The following SLC67A1 variants were observed in gnomAD, a reference collection of about 807,000 sequenced individuals.
SLC67A1 encodes the protein solute carrier family 67 member 1.
chr11:2,902,407 A>G, the SLC67A1 span: 1 of 175,584 alleles, frequency 5.7e-6, no homozygotes, highest in Non-Finnish European at 1.1e-5. Context: ...TGAGCCCCGA[A>G]CCCCGAACTC....
At chr11:2,915,051 G>A in the SLC67A1 span, 81,984 of 985,302 alleles carry the variant, frequency 0.083, 3,569 homozygotes, top group Middle Eastern at 0.1. Flanking sequence ...TGCAGGAGTC[G>A]GAGCTGCCCT....
At chr11:2,907,142 G>T in the SLC67A1 span, among the ~76,000 whole-genome samples, 11 of 151,562 alleles carry the variant, frequency 7.3e-5, no homozygotes, top group Non-Finnish European at 1.5e-4. The surrounding 1 kb of genome is among the most constrained non-coding windows in gnomAD (Gnocchi z 6.7). Context: ...GGGAGAATTC[G>T]TGTGGACCAA....
At chr11:2,919,604 A>C in the SLC67A1 span, 1 of 573,276 alleles carries the variant, frequency 1.7e-6, no homozygotes, top group Non-Finnish European at 3.1e-6. Flanking sequence ...CGCTGTGAGG[A>C]CAGTGGACTC....
the SLC67A1 span, chr11:2,909,646 C>G: frequency 6.5e-7 from 1 of 1,536,650 alleles, no homozygotes; most frequent in Non-Finnish European, 8.7e-7. Context: ...CCGGCTGGGC[C>G]TCTGCTTCGG....
chr11:2,918,323 C>T, the SLC67A1 span, among the ~76,000 whole-genome samples: 2 of 152,402 alleles, frequency 1.3e-5, no homozygotes, highest in East Asian at 1.9e-4. Flanking sequence ...GGGCCTGGCT[C>T]GCAGCCATGC....
At chr11:2,915,419 C>T in the SLC67A1 span, among the ~76,000 whole-genome samples, 67 of 152,236 alleles carry the variant, frequency 4.4e-4, no homozygotes, top group African/African-American at 1.6e-3. Context: ...GACCCTGACC[C>T]CTACTGGGTG....
the SLC67A1 span, chr11:2,908,175 G>A: frequency 8.5e-7 from 1 of 1,175,762 alleles, no homozygotes; most frequent in Non-Finnish European, 1.3e-6. Context: ...AGGGACCCCA[G>A]ATTCTAGGCC....
chr11:2,922,225 C>G, the SLC67A1 span: 1 of 1,596,414 alleles, frequency 6.3e-7, no homozygotes, highest in Non-Finnish European at 8.6e-7. Flanking sequence ...CCGCTTTGGG[C>G]CCACTCACCT....
chr11:2,917,746 G>C, the SLC67A1 span, among the ~76,000 whole-genome samples: 1 of 152,260 alleles, frequency 6.6e-6, no homozygotes, highest in Non-Finnish European at 1.5e-5. Context: ...TTTCCTAAGT[G>C]CCTCTGGGGA....
chr11:2,909,336 C>T, the SLC67A1 span: 575 of 1,526,356 alleles, frequency 3.8e-4, 9 homozygotes, highest in South Asian at 6.5e-3. Flanking sequence ...CTGCCCGGAG[C>T]GCTCATGCAC....
chr11:2,918,252 C>T, the SLC67A1 span, among the ~76,000 whole-genome samples: 2 of 152,278 alleles, frequency 1.3e-5, no homozygotes, highest in Non-Finnish European at 2.9e-5. Context: ...TCTTTCCCAC[C>T]TCCTTCCAGC....
the SLC67A1 span, chr11:2,903,628 C>T: frequency 6.9e-6 from 6 of 875,658 alleles, no homozygotes; most frequent in Admixed American, 7.1e-5. Context: ...ACTCATGCCA[C>T]GCTTAAGCTG....
At chr11:2,902,080 G>T in the SLC67A1 span, 1 of 152,196 alleles carries the variant, frequency 6.6e-6, no homozygotes, top group Non-Finnish European at 1.5e-5. Flanking sequence ...GGCGGGCGAA[G>T]CCGGGCACGG....
the SLC67A1 span, among the ~76,000 whole-genome samples, chr11:2,900,489 C>T: frequency 1.3e-5 from 2 of 151,794 alleles, no homozygotes; most frequent in East Asian, 1.9e-4. Flanking sequence ...GTCAGGAGAT[C>T]GAGACCATCC....
At chr11:2,909,740 T>C in the SLC67A1 span, 2 of 1,448,680 alleles carry the variant, frequency 1.4e-6, no homozygotes, top group South Asian at 1.4e-5. Context: ...GCGGAGTCTG[T>C]GGGTCAGGAC....
chr11:2,922,342 C>G, the SLC67A1 span: 7 of 1,548,076 alleles, frequency 4.5e-6, no homozygotes, highest in South Asian at 8.1e-5. Flanking sequence ...TCAGCAGGGA[C>G]AGCAGTCAGG....
chr11:2,908,447 G>A, the SLC67A1 span: 284 of 707,502 alleles, frequency 4.0e-4, 1 homozygote, highest in Non-Finnish European at 6.0e-4. Context: ...CTGGGATGAC[G>A]GCACTCCTGT....
the SLC67A1 span, chr11:2,916,401 G>A: frequency 0.53 from 240,586 of 457,356 alleles, 65,979 homozygotes; most frequent in Non-Finnish European, 0.57. Flanking sequence ...ATGGCGTGGC[G>A]AGGGTCAGGG....
chr11:2,924,379 G>A, the SLC67A1 span, among the ~76,000 whole-genome samples: 5 of 152,144 alleles, frequency 3.3e-5, no homozygotes, highest in Admixed American at 3.3e-4. The surrounding 1 kb of genome is among the most constrained non-coding windows in gnomAD (Gnocchi z 8.6). Flanking sequence ...GCTCCGCAGG[G>A]TGGGGCGGCT....
Sources: gnomAD v4.1 joint callset for allele counts (sites outside exome capture counted in the v4.1 genomes callset) on GRCh38, gnomAD v4.1.1 for gene constraint, Gnocchi (gnomAD v3.1) non-coding constraint, MANE v1.5 for transcripts, NCBI Gene and HGNC (gene_info 2026-07-23, HGNC 2026-07-21) for gene names.